The following NTRK2 variants were observed in gnomAD, a reference collection of about 807,000 sequenced individuals.
NTRK2 encodes the protein neurotrophic receptor tyrosine kinase 2.
Under a neutral mutation model 94.5 loss-of-function variants are expected in NTRK2, and 13 were observed. The observed-to-expected ratio is 0.14, with a 90% confidence interval of 0.09 to 0.22. The LOEUF is 0.22. Among genes scored for constraint, NTRK2 ranks in the 10% least tolerant of loss-of-function variants. NTRK2 has a pLI of 1.00. For missense variants in NTRK2, 639 were observed against 1,071.2 expected, an observed-to-expected ratio of 0.60 and a Z score of 5.63; for synonymous variants, 372 against 407.4, an observed-to-expected ratio of 0.91 and a Z score of 1.05.
In NTRK2 at chr9:85,017,887, T is replaced by A. The variant is rs1381333627; in HGVS notation, c.2173-2319T>A. ...TGGAGCTGGTTGCACCATAGCACTA[T>A]GCTGACATGAACAATGATGAAATGA... On this transcript the variant is annotated intron_variant, in intron 17 of 18. Coordinates refer to ENST00000277120, the MANE Select transcript of NTRK2 (RefSeq NM_006180.6). Among the ~76,000 whole-genome samples the A allele has an allele frequency of 2.0e-5, 3 of 152,208 alleles. No homozygotes were observed. The East Asian group carries it at 5.8e-4, about 29-fold the overall frequency.
intron 12 of NTRK2, among the ~76,000 whole-genome samples, chr9:84,823,935 T>G (rs1293049887): frequency 6.6e-6 from 1 of 152,100 alleles, no homozygotes; most frequent in Admixed American, 6.6e-5. Flanking sequence ...GATGCTGAGA[T>G]GAGGATTCAT....
intron 12 of NTRK2, among the ~76,000 whole-genome samples, chr9:84,801,298 G>A (rs377170932): frequency 6.6e-6 from 1 of 152,162 alleles, no homozygotes; most frequent in Admixed American, 6.5e-5. Context: ...CCTAACCAGC[G>A]GCAGGTGGGT....
chr9:84,707,936 T>C (rs2061206961), intron 5 of NTRK2, 24 bp downstream of exon 5: 4 of 1,595,730 alleles, frequency 2.5e-6, no homozygotes, highest in African/African-American at 2.7e-5. Flanking sequence ...TTGTGTGGCA[T>C]TTGGGGAAAT....
chr9:84,991,021 T>G (rs1472865934), intron 17 of NTRK2, among the ~76,000 whole-genome samples: 1 of 152,184 alleles, frequency 6.6e-6, no homozygotes, highest in Non-Finnish European at 1.5e-5. Context: ...TGGGTCACAC[T>G]GGGTAGGAGC....
intron 12 of NTRK2, among the ~76,000 whole-genome samples, chr9:84,819,432 C>G (rs1264473904): frequency 1.3e-5 from 2 of 152,206 alleles, no homozygotes; most frequent in Non-Finnish European, 2.9e-5. Flanking sequence ...TCTGAGGGTG[C>G]TTCCAGGCTT....
chr9:84,714,431 C>T lies in NTRK2; in HGVS notation c.583+3640C>T, dbSNP rs143139250. 6.6e-5 allele frequency among the ~76,000 whole-genome samples: 10 copies of T among 152,278 alleles called. No individual in the cohort carries two copies. The East Asian group carries it at 1.5e-3, about 23-fold the overall frequency. ...TTCTTTATAGTTTCTTCTCCATCAG[C>T]GATGTGCCTTCTCACTTTCCAACTT... On this transcript the variant is annotated intron_variant, in intron 6 of 18. Coordinates refer to ENST00000277120, the MANE Select transcript of NTRK2 (RefSeq NM_006180.6).
Position 84,974,995 on chromosome 9 carries a change from C to T in NTRK2, c.2172+19478C>T, listed in dbSNP as rs188121799. ...GATGTTCTGAGCCCTGTCCTGGTGC[C>T]GCCTGGGGCTGCAGTTTGGCAGTGC... On this transcript the variant is annotated intron_variant, in intron 17 of 18. Transcript: ENST00000277120. Among the ~76,000 whole-genome samples, 23 of 152,250 alleles carry T rather than the reference C, an allele frequency of 1.5e-4. No individual in the cohort carries two copies. The South Asian group carries it at 2.5e-3, about 16-fold the overall frequency.
rs535630104 is a variant in NTRK2 at position 84,731,818 on chromosome 9, G to A, written c.1159+3859G>A. Among the ~76,000 whole-genome samples the A allele has an allele frequency of 7.9e-5, 12 of 152,216 alleles. No individual in the cohort carries two copies. In the South Asian group the frequency reaches 2.3e-3, roughly 29 times the overall value. ...AGCGGCCCAGCAAACCAAGATCCCC[G>A]TGTAATGTATCTTGAGAGTGCTGGG... is the stretch of plus-strand genomic sequence containing the variant. On this transcript the variant is annotated intron_variant, in intron 9 of 18. Transcript: ENST00000277120.
chr9:84,750,697 A>C (rs1466485459), intron 11 of NTRK2, among the ~76,000 whole-genome samples: 1 of 152,250 alleles, frequency 6.6e-6, no homozygotes, highest in Non-Finnish European at 1.5e-5. Context: ...AGGCTGGCAA[A>C]GCCTGAAGTA....
intron 12 of NTRK2, among the ~76,000 whole-genome samples, chr9:84,782,037 A>AACACACATACAC (rs869161412): frequency 2.7e-5 from 4 of 149,550 alleles, no homozygotes; most frequent in African/African-American, 9.9e-5. Context: ...CCTCCAAGAA[A>AACACACATACAC]ACACACACAC....
chr9:84,685,088 A>T (rs1483809323), intron 2 of NTRK2, among the ~76,000 whole-genome samples: 1 of 151,700 alleles, frequency 6.6e-6, no homozygotes, highest in Non-Finnish European at 1.5e-5. Flanking sequence ...TTTTACTATT[A>T]TATGTTTTTA....
At chr9:84,844,023 G>A (rs1446347028) in intron 12 of NTRK2, among the ~76,000 whole-genome samples, 1 of 152,184 alleles carries the variant, frequency 6.6e-6, no homozygotes, top group African/African-American at 2.4e-5. Context: ...CAGTTGCTAG[G>A]GTGTAAGAGG....
intron 17 of NTRK2, among the ~76,000 whole-genome samples, chr9:84,965,556 A>G (rs1200686072): frequency 6.6e-6 from 1 of 152,206 alleles, no homozygotes; most frequent in Non-Finnish European, 1.5e-5. Flanking sequence ...AACCGCAAAG[A>G]CTATTGCCTG....
chr9:84,921,509 A>G (rs2077565800), intron 14 of NTRK2, among the ~76,000 whole-genome samples: 1 of 152,182 alleles, frequency 6.6e-6, no homozygotes, highest in South Asian at 2.1e-4. Context: ...GGACAAAAAA[A>G]ATACATCTGG....
intron 15 of NTRK2, 152 bp downstream of exon 15, chr9:84,934,444 T>G: frequency 1.2e-6 from 1 of 863,510 alleles, no homozygotes; most frequent in South Asian, 1.4e-5. Context: ...AAATGGACAG[T>G]GGAAAGGACA....
At chr9:84,812,159 T>G in intron 12 of NTRK2, 1 of 1,058,778 alleles carries the variant, frequency 9.4e-7, no homozygotes, top group Non-Finnish European at 1.1e-6. Context: ...TTTTGAATCC[T>G]CTGTAAACCA....
rs747525829 is a variant in NTRK2, at chr9:84,955,339, C to T, written c.1994C>T (p.Thr665Met). Residue 665 changes from threonine (T) to methionine (M), a missense_variant, in exon 17 of 19, where the codon ACG becomes ATG. Transcript: ENST00000277120. ...MAEGNPPTEL[T>M]QSQMLHIAQQ... ...GAGGGCAACCCGCCCACGGAACTGACGCAGTCGCAGATGCTGCATATAGCC... is the reference window on the plus strand; with the variant it reads ...GAGGGCAACCCGCCCACGGAACTGATGCAGTCGCAGATGCTGCATATAGCC... 2.5e-6 allele frequency: 4 copies of T among 1,612,308 alleles called. No individual in the cohort carries two copies. Among genetic ancestry groups the T allele is most frequent in the South Asian group, 2.2e-5 (2 of 90,714 alleles).
At chr9:84,791,612 A>G (rs986931087) in intron 12 of NTRK2, among the ~76,000 whole-genome samples, 1 of 152,212 alleles carries the variant, frequency 6.6e-6, no homozygotes, top group African/African-American at 2.4e-5. Context: ...AATATTTTGA[A>G]ATATTTTCTT....
chr9:84,873,543 C>T, intron 14 of NTRK2: 1 of 1,056,100 alleles, frequency 9.5e-7, no homozygotes. Flanking sequence ...TATCATATTC[C>T]CTTTTCAACT....
Sources: gnomAD v4.1 joint callset for allele counts (sites outside exome capture counted in the v4.1 genomes callset) on GRCh38, gnomAD v4.1.1 for gene constraint, MANE v1.5 for transcripts, NCBI Gene and HGNC (gene_info 2026-07-23, HGNC 2026-07-21) for gene names.